The following ZFHX3 variants were observed in gnomAD, a reference collection of about 807,000 sequenced individuals.
ZFHX3 encodes the protein zinc finger homeobox protein 3.
ZFHX3 carries 42 observed loss-of-function variants against 279.1 expected under a neutral mutation model. The observed-to-expected ratio is 0.15, with a 90% confidence interval of 0.12 to 0.19. The LOEUF is 0.19. Ranked by LOEUF, ZFHX3 falls within the 10% of genes least tolerant of loss-of-function variation. The pLI, the probability that ZFHX3 is intolerant of heterozygous loss-of-function variation, is 1.00. For missense variants in ZFHX3, 4,981 were observed against 4,754.0 expected, an observed-to-expected ratio of 1.05 and a Z score of -1.40; for synonymous variants, 2,293 against 1,957.8, an observed-to-expected ratio of 1.17 and a Z score of -4.52.
At chr16:73,638,243 T>C (rs563828834) in intron 2 of ZFHX3, among the ~76,000 whole-genome samples, 32 of 152,318 alleles carry the variant, frequency 2.1e-4, no homozygotes, top group African/African-American at 3.8e-4. Flanking sequence ...TGTTCTCAAA[T>C]TGGAAATTAA....
Position 72,797,848 on chromosome 16 carries a change from C to T in ZFHX3, c.4834G>A (p.Glu1612Lys). 6.2e-7 allele frequency: 1 copy of T among 1,614,146 alleles called. No homozygotes were observed. Among genetic ancestry groups the T allele is most frequent in the Non-Finnish European group, 8.5e-7 (1 of 1,180,044 alleles). The change falls in exon 9 of 10, where the codon GAG becomes AAG. Residue 1612 changes from glutamate (E) to lysine (K), a missense_variant. By Grantham distance (56) the Glu-to-Lys change is moderately conservative (BLOSUM62 1). This residue lies in a region of ZFHX3 where 1,751 missense variants were observed against 1,770.0 expected (regional missense o/e 0.99). Transcript: ENST00000268489. Reference sequence around the variant, plus strand: ...TGTAACACAGACCTCATATGGATCTCCAGAGTGGAACTCTGGCTGTAGGCC... The same window carrying T: ...TGTAACACAGACCTCATATGGATCTTCAGAGTGGAACTCTGGCTGTAGGCC... ...NVAYSQSSTL[E>K]IHMRSVLHQT...
At chr16:73,197,980 A>G (rs1181389399) in intron 5 of ZFHX3, among the ~76,000 whole-genome samples, 5 of 120,746 alleles carry the variant, frequency 4.1e-5, no homozygotes, top group Non-Finnish European at 7.9e-5. Flanking sequence ...CTCTGTCGCC[A>G]AGGCTGGAGT....
chr16:73,738,199 A>G (rs2053625182), intron 1 of ZFHX3, among the ~76,000 whole-genome samples: 1 of 152,216 alleles, frequency 6.6e-6, no homozygotes, highest in South Asian at 2.1e-4. Flanking sequence ...CAAGTAAGTT[A>G]ATTTCCTTTG....
intron 1 of ZFHX3, among the ~76,000 whole-genome samples, chr16:73,682,934 GAAAGAAAGAAAGAA>G (rs2053035046): frequency 5.1e-5 from 1 of 19,524 alleles, no homozygotes; most frequent in African/African-American, 1.7e-4. Flanking sequence ...GAGAAAGAAA[GAAAGAAAGAAAGAA>G]AGAAAGAAAG....
chr16:73,578,585 A>G (rs1254351288), intron 2 of ZFHX3, among the ~76,000 whole-genome samples: 2 of 152,126 alleles, frequency 1.3e-5, no homozygotes, highest in Non-Finnish European at 2.9e-5. Context: ...AATACAAACT[A>G]TTTCACAGAC....
At chr16:72,919,777 CTTTTTTTTTTTTTTTT>C (rs532405250) in intron 3 of ZFHX3, among the ~76,000 whole-genome samples, 3 of 42,292 alleles carry the variant, frequency 7.1e-5, no homozygotes, top group Non-Finnish European at 1.2e-4. Flanking sequence ...TATGCACCAT[CTTTTTTTTTTTTTTTT>C]TTTTTTTTTT....
At position 73,798,571 on chromosome 16, in the gene ZFHX3, GCA is replaced by G. The variant is rs1187602267; in HGVS notation, c.-1608+93078_-1608+93079del. 3.0e-5 allele frequency among the ~76,000 whole-genome samples: 4 copies of G among 133,240 alleles called. No individual in the cohort carries two copies. The East Asian group carries it at 6.4e-4, about 21-fold the overall frequency. The allele number at this position is 133,240 out of a possible 152,430, so 87.4% of individuals were successfully genotyped here. ...GCTTCAGTGCAATCTACACACAGGTGCACACACACAGACACACACACACACAC... is the reference window on the plus strand; with the variant it reads ...GCTTCAGTGCAATCTACACACAGGTGCACACACAGACACACACACACACAC... On this transcript the variant is annotated intron_variant, in intron 1 of 17. Transcript: ENST00000641206.
chr16:73,418,647 G>C (rs539439957), intron 3 of ZFHX3, among the ~76,000 whole-genome samples: 57 of 152,304 alleles, frequency 3.7e-4, no homozygotes, highest in African/African-American at 1.4e-3. Context: ...GTGTACGTTA[G>C]TGATACATTT....
intron 3 of ZFHX3, among the ~76,000 whole-genome samples, chr16:73,358,327 A>G (rs1159874110): frequency 5.3e-5 from 8 of 152,238 alleles, no homozygotes; most frequent in Non-Finnish European, 1.2e-4. Context: ...CACAAAGGAC[A>G]GCGGCCTCCA....
At chr16:72,935,719 G>C (rs1467060981) in intron 3 of ZFHX3, among the ~76,000 whole-genome samples, 10 of 147,850 alleles carry the variant, frequency 6.8e-5, no homozygotes, top group Admixed American at 2.7e-4. Context: ...GGGCGACAGA[G>C]TGACACTCTG....
chr16:73,533,962 G>T (rs965073027), intron 2 of ZFHX3, among the ~76,000 whole-genome samples: 1 of 152,036 alleles, frequency 6.6e-6, no homozygotes, highest in African/African-American at 2.4e-5. Flanking sequence ...CCTTGCTTTC[G>T]TGCTGCCTAT....
At chr16:73,568,358 C>T (rs2020479005) in intron 2 of ZFHX3, among the ~76,000 whole-genome samples, 1 of 152,204 alleles carries the variant, frequency 6.6e-6, no homozygotes, top group Admixed American at 6.5e-5. Context: ...GTCATCTTTC[C>T]ATTTGTAACA....
intron 2 of ZFHX3, among the ~76,000 whole-genome samples, chr16:73,522,023 T>C (rs933284999): frequency 2.0e-5 from 3 of 152,240 alleles, no homozygotes; most frequent in Admixed American, 2.0e-4. Flanking sequence ...CTTGGTTATC[T>C]AATGATGCAC....
At chr16:72,815,419 AAAAG>A (rs1346023663) in intron 5 of ZFHX3, among the ~76,000 whole-genome samples, 1 of 151,930 alleles carries the variant, frequency 6.6e-6, no homozygotes, top group Non-Finnish European at 1.5e-5. Flanking sequence ...AAAAAAAAAA[AAAAG>A]AGTTGTGCAA....
chr16:73,750,062 T>C (rs1220998026), intron 1 of ZFHX3, among the ~76,000 whole-genome samples: 1 of 152,106 alleles, frequency 6.6e-6, no homozygotes, highest in African/African-American at 2.4e-5. Context: ...TAACAATCTA[T>C]ACTCTCCTGT....
intron 1 of ZFHX3, among the ~76,000 whole-genome samples, chr16:73,009,185 T>C (rs1433829465): frequency 6.6e-6 from 1 of 152,112 alleles, no homozygotes; most frequent in African/African-American, 2.4e-5. Flanking sequence ...ATCAACTCCC[T>C]TCCTTCCCAC....
Position 73,161,769 on chromosome 16 carries a change from CCTT to C in ZFHX3, c.-1103-17941_-1103-17939del, listed in dbSNP as rs567589606. Among the ~76,000 whole-genome samples the C allele has an allele frequency of 2.4e-3, 372 of 152,256 alleles. 5 individuals are homozygous for C. The highest frequency in any genetic ancestry group is 1.2e-3 in the Non-Finnish European group (83 of 68,026). Reference sequence around the variant, plus strand: ...TTTAGGTTCATAAAAATGTGAGAATCCTTCTTTTCTGCAGTGGGCAAATTTAAT... The same window carrying C: ...TTTAGGTTCATAAAAATGTGAGAATCCTTTTCTGCAGTGGGCAAATTTAAT... On this transcript the variant is annotated intron_variant, in intron 5 of 17. Coordinates refer to the ZFHX3 transcript ENST00000641206.
chr16:73,630,965 T>C (rs958194957), intron 2 of ZFHX3, among the ~76,000 whole-genome samples: 2 of 152,252 alleles, frequency 1.3e-5, no homozygotes, highest in Non-Finnish European at 2.9e-5. Context: ...AAGAGCCTGG[T>C]TGCTGATGCA....
intron 1 of ZFHX3, among the ~76,000 whole-genome samples, chr16:73,779,031 C>A (rs890544991): frequency 2.6e-5 from 4 of 151,886 alleles, no homozygotes; most frequent in African/African-American, 7.3e-5. Flanking sequence ...GCCTGAGTGT[C>A]CCCAGCTCCG....
Sources: allele counts gnomAD v4.1 joint callset (sites outside exome capture counted in the v4.1 genomes callset), GRCh38; gene constraint gnomAD v4.1.1; regional missense constraint gnomAD v4.1.1; transcripts MANE v1.5; gene names NCBI Gene and HGNC (gene_info 2026-07-23, HGNC 2026-07-21).